FAT3: variants seen among roughly 807,000 people sequenced by gnomAD.
The protein encoded by FAT3 is protocadherin Fat 3.
FAT3 carries 95 observed loss-of-function variants against 310.2 expected under a neutral mutation model. That is an observed-to-expected ratio of 0.31 (90% CI 0.26 to 0.36). The LOEUF is 0.36. Ranked by LOEUF, FAT3 falls within the 10% of genes least tolerant of loss-of-function variation. The probability of loss-of-function intolerance (pLI) is 1.00; values close to 1 mark genes in which losing one functional copy is unlikely to be tolerated. For missense variants in FAT3, 5,408 were observed against 5,715.6 expected (o/e 0.95, Z 1.74); for synonymous variants, 2,314 against 2,192.9 (o/e 1.06, Z -1.54).
At chr11:92,794,439 A>G (rs1344787002) in intron 9 of FAT3, among the ~76,000 whole-genome samples, 1 of 152,096 alleles carries the variant, frequency 6.6e-6, no homozygotes, top group Non-Finnish European at 1.5e-5. Flanking sequence ...TTTTCTTACC[A>G]TGTTCTAAAC....
At chr11:92,341,537 A>G (rs956806548) in intron 1 of FAT3, among the ~76,000 whole-genome samples, 5 of 152,220 alleles carry the variant, frequency 3.3e-5, no homozygotes, top group East Asian at 3.9e-4. Flanking sequence ...AGTGATGGTA[A>G]TATCAGGAGA....
At chr11:92,849,462 G>A (rs539609511) in intron 19 of FAT3, among the ~76,000 whole-genome samples, 3 of 152,264 alleles carry the variant, frequency 2.0e-5, no homozygotes, top group Non-Finnish European at 2.9e-5. Flanking sequence ...TCAGAGCCAC[G>A]CAGACCCAAC....
At chr11:92,723,063 C>T (rs572735277) in intron 4 of FAT3, among the ~76,000 whole-genome samples, 13 of 152,308 alleles carry the variant, frequency 8.5e-5, no homozygotes, top group East Asian at 7.7e-4. Flanking sequence ...TTTCTGCAGA[C>T]GGCTTGAATT....
At position 92,550,225 on chromosome 11, in the gene FAT3, A is replaced by C. The variant is rs1954761212; in HGVS notation, c.3607+25277A>C. Among the ~76,000 whole-genome samples, 5 of 152,322 alleles carry C rather than the reference A, an allele frequency of 3.3e-5. 1 individual carries two copies. In the South Asian group the frequency reaches 1.0e-3, roughly 32 times the overall value. ...TTTGAGTTCCCCAAGCAAAATTTCC[A>C]AAAGGGGTCTTTTTTTCACATATAT... On this transcript the variant is annotated intron_variant, in intron 3 of 27. Coordinates refer to ENST00000525166, the MANE Select transcript of FAT3 (RefSeq NM_001367949.2).
chr11:92,727,747 A>G (rs558173107), intron 4 of FAT3, among the ~76,000 whole-genome samples: 5 of 152,114 alleles, frequency 3.3e-5, no homozygotes, highest in Admixed American at 3.3e-4. Flanking sequence ...CATGCCTTAG[A>G]GTGGTCTTTG....
chr11:92,840,529 A>G (rs776823278), intron 17 of FAT3, 33 bp from the exon 18 acceptor site: 27 of 1,484,216 alleles, frequency 1.8e-5, no homozygotes, highest in Non-Finnish European at 2.4e-5. Context: ...TGTAATTTTT[A>G]TCTTCATTTT....
chr11:92,894,977 A>C lies in FAT3; in HGVS notation c.*3864A>C. 6.6e-6 allele frequency: 1 copy of C among 152,186 alleles called. No individual in the cohort carries two copies. Among genetic ancestry groups the C allele is most frequent in the East Asian group, 1.9e-4 (1 of 5,202 alleles). 9.4% of individuals were successfully genotyped at this position (152,186 alleles called of 1,614,324 possible). On this transcript the variant is annotated 3_prime_UTR_variant, in exon 28 of 28. Transcript: ENST00000525166. ...CCACTGATGCTATGTTTGCATCATC[A>C]AAGTCAGGGGAATTGAGAAAAGAGA... is the stretch of plus-strand genomic sequence containing the variant.
At chr11:92,507,192 A>C (rs1461666801) in intron 2 of FAT3, among the ~76,000 whole-genome samples, 1 of 152,120 alleles carries the variant, frequency 6.6e-6, no homozygotes, top group African/African-American at 2.4e-5. Flanking sequence ...ACAAGGCGGG[A>C]TGTGTGTGTC....
intron 2 of FAT3, among the ~76,000 whole-genome samples, chr11:92,384,125 T>C (rs1325371151): frequency 2.0e-5 from 3 of 152,108 alleles, no homozygotes; most frequent in Non-Finnish European, 4.4e-5. Flanking sequence ...CTAGCCTCCT[T>C]CTTTGTGTGA....
At chr11:92,771,729 A>G (rs1020966406) in intron 6 of FAT3, among the ~76,000 whole-genome samples, 48 of 151,684 alleles carry the variant, frequency 3.2e-4, no homozygotes, top group African/African-American at 9.7e-5. Context: ...ATACAAATAC[A>G]TATATGAACA....
chr11:92,637,973 C>T (rs1447352805), intron 3 of FAT3, among the ~76,000 whole-genome samples: 2 of 152,152 alleles, frequency 1.3e-5, no homozygotes, highest in Non-Finnish European at 1.5e-5. Context: ...ACTGCATATC[C>T]CTCCTTCAGG....
At chr11:92,822,629 A>T (rs1947997858) in intron 13 of FAT3, among the ~76,000 whole-genome samples, 1 of 152,078 alleles carries the variant, frequency 6.6e-6, no homozygotes, top group Non-Finnish European at 1.5e-5. Flanking sequence ...ATAACTTCTC[A>T]CATATTACAA....
intron 4 of FAT3, among the ~76,000 whole-genome samples, chr11:92,717,599 G>A (rs1440545316): frequency 1.3e-5 from 2 of 152,194 alleles, no homozygotes; most frequent in African/African-American, 2.4e-5. Flanking sequence ...GTGAGATAAT[G>A]TATGAACATA....
chr11:92,442,698 A>G (rs1171549882), intron 2 of FAT3, among the ~76,000 whole-genome samples: 1 of 152,038 alleles, frequency 6.6e-6, no homozygotes, highest in Non-Finnish European at 1.5e-5. Context: ...ATGTGCTTTA[A>G]TGTGTTTATA....
In FAT3 at chr11:92,542,654, G is replaced by T. The variant is rs114912624; in HGVS notation, c.3607+17706G>T. On this transcript the variant is annotated intron_variant, in intron 3 of 27. Transcript: ENST00000525166. ...ATATCACCCCACCCCAATTAAAATGGCTATTATCAAAAAGACAAAAATAAC... is the reference window on the plus strand; with the variant it reads ...ATATCACCCCACCCCAATTAAAATGTCTATTATCAAAAAGACAAAAATAAC... 3.2e-3 allele frequency among the ~76,000 whole-genome samples: 488 copies of T among 151,992 alleles called. 4 individuals carry two copies. The highest frequency in any genetic ancestry group is 0.011 in the African/African-American group (457 of 41,488).
At chr11:92,746,034 G>A (rs954639858) in intron 4 of FAT3, among the ~76,000 whole-genome samples, 1 of 152,182 alleles carries the variant, frequency 6.6e-6, no homozygotes, top group South Asian at 2.1e-4. Flanking sequence ...TGGCCCCAAG[G>A]CCTAGGTTCC....
chr11:92,496,331 G>A (rs556635699), intron 2 of FAT3, among the ~76,000 whole-genome samples: 36 of 151,970 alleles, frequency 2.4e-4, no homozygotes, highest in African/African-American at 8.7e-4. Context: ...CTCCATCTGT[G>A]CCCCCTGCCT....
intron 1 of FAT3, among the ~76,000 whole-genome samples, chr11:92,318,871 G>A (rs1947534510): frequency 1.3e-5 from 2 of 152,276 alleles, no homozygotes; most frequent in African/African-American, 2.4e-5. Context: ...CCTATGACAC[G>A]AATGCTGGAT....
chr11:92,647,671 A>G (rs950838964), intron 3 of FAT3, among the ~76,000 whole-genome samples: 4 of 152,156 alleles, frequency 2.6e-5, no homozygotes, highest in Admixed American at 2.0e-4. Flanking sequence ...GTCCAGTAAG[A>G]TACATTTCCT....
Sources: allele counts gnomAD v4.1 joint callset (sites outside exome capture counted in the v4.1 genomes callset), GRCh38; gene constraint gnomAD v4.1.1; transcripts MANE v1.5; gene names NCBI Gene and HGNC (gene_info 2026-07-23, HGNC 2026-07-21).